The following PDCL2 variants were observed in gnomAD, a reference collection of about 807,000 sequenced individuals.
PDCL2 encodes the protein phosducin like 2.
Under a neutral mutation model 30.3 loss-of-function variants are expected in PDCL2, and 23 were observed. The observed-to-expected ratio is 0.76, with a 90% CI of 0.55 to 1.08. The LOEUF is 1.08. PDCL2 is among the 50% of genes least tolerant of loss of function. The probability of loss-of-function intolerance (pLI) is 0.00; values close to 1 mark genes in which losing one functional copy is unlikely to be tolerated. For synonymous variants in PDCL2, 68 were observed against 86.2 expected (o/e 0.79, Z 1.17); for missense variants, 243 against 282.3 (o/e 0.86, Z 1.00).
chr4:55,588,163 G>A (rs1577920805), intron 1 of PDCL2, among the ~76,000 whole-genome samples: 1 of 152,140 alleles, frequency 6.6e-6, no homozygotes, highest in African/African-American at 2.4e-5. Context: ...AGGCAAACCT[G>A]CCTCCCATTT....
In PDCL2 at chr4:55,576,155, G is replaced by A. The variant is rs374286737; in HGVS notation, c.218+4666C>T. Reference sequence around the variant, plus strand: ...TGCCTAGGCTGGAGTGCCGTGGCGCGATCTTAGCTTACTGCAACCTCTGCC... The same window carrying A: ...TGCCTAGGCTGGAGTGCCGTGGCGCAATCTTAGCTTACTGCAACCTCTGCC... On this transcript the variant is annotated intron_variant, in intron 3 of 5. Transcript: ENST00000295645. Among the ~76,000 whole-genome samples, 86 of 152,034 alleles carry A rather than the reference G, an allele frequency of 5.7e-4. 1 individual carries two copies. In the South Asian group the frequency reaches 0.017, roughly 30 times the overall value.
At chr4:55,569,676 A>C (rs909990644) in intron 4 of PDCL2, 42 bp downstream of exon 4, 1 of 1,418,882 alleles carries the variant, frequency 7.0e-7, no homozygotes, top group Non-Finnish European at 9.3e-7. Context: ...ATGTCTTTTA[A>C]AATAGTAGTA....
At chr4:55,567,296 G>A (rs1732292362) in intron 4 of PDCL2, among the ~76,000 whole-genome samples, 1 of 152,182 alleles carries the variant, frequency 6.6e-6, no homozygotes, top group Non-Finnish European at 1.5e-5. Flanking sequence ...ACTCTGGGAG[G>A]CTGAGGCAGG....
At chr4:55,582,382 A>C in intron 1 of PDCL2, 145 bp from the exon 2 acceptor site, 1 of 922,108 alleles carries the variant, frequency 1.1e-6, no homozygotes, top group Non-Finnish European at 1.5e-6. Context: ...AAGCAAAGTG[A>C]CCTACTTTTT....
chr4:55,575,549 A>G (rs1560502749), intron 3 of PDCL2, among the ~76,000 whole-genome samples: 2 of 152,234 alleles, frequency 1.3e-5, no homozygotes, highest in South Asian at 4.1e-4. Flanking sequence ...ACATTAATCT[A>G]TAAACTCAAG....
chr4:55,570,119 C>A (rs1732382791), intron 3 of PDCL2, among the ~76,000 whole-genome samples: 1 of 152,106 alleles, frequency 6.6e-6, no homozygotes, highest in African/African-American at 2.4e-5. Flanking sequence ...AGGTTTAAAT[C>A]ATAGCTATAG....
intron 3 of PDCL2, among the ~76,000 whole-genome samples, chr4:55,578,097 T>C (rs1037600221): frequency 6.6e-6 from 1 of 152,152 alleles, no homozygotes; most frequent in African/African-American, 2.4e-5. Context: ...CCGGAGTAAA[T>C]GCACTGGCTT....
chr4:55,571,545 G>A (rs1732422664), intron 3 of PDCL2, among the ~76,000 whole-genome samples: 1 of 106,320 alleles, frequency 9.4e-6, no homozygotes, highest in African/African-American at 4.1e-5. Context: ...AAATTAGCCG[G>A]GCATGGTGGC....
At chr4:55,559,453 C>A (rs1037239291) in intron 5 of PDCL2, among the ~76,000 whole-genome samples, 1 of 152,084 alleles carries the variant, frequency 6.6e-6, no homozygotes, top group Non-Finnish European at 1.5e-5. Flanking sequence ...ATTCTGAATA[C>A]TATGGTTGAG....
intron 4 of PDCL2, among the ~76,000 whole-genome samples, chr4:55,568,837 A>C (rs1732336203): frequency 6.6e-6 from 1 of 152,188 alleles, no homozygotes; most frequent in Non-Finnish European, 1.5e-5. Context: ...AGAGGAATCT[A>C]TATAACAAAC....
chr4:55,585,789 T>A (rs1254600964), intron 1 of PDCL2, among the ~76,000 whole-genome samples: 1 of 152,214 alleles, frequency 6.6e-6, no homozygotes, highest in Non-Finnish European at 1.5e-5. Context: ...TATGTGTCTA[T>A]GGATTTATCC....
chr4:55,573,238 A>G (rs1478967512), intron 3 of PDCL2, among the ~76,000 whole-genome samples: 1 of 152,220 alleles, frequency 6.6e-6, no homozygotes, highest in Admixed American at 6.5e-5. Flanking sequence ...CCAATTTAGT[A>G]TTATATGCCA....
intron 4 of PDCL2, among the ~76,000 whole-genome samples, chr4:55,564,792 C>T (rs74662978): frequency 0.022 from 3,386 of 152,198 alleles, 112 homozygotes; most frequent in African/African-American, 0.077. Flanking sequence ...AAACACCACC[C>T]TTTTATAAAA....
intron 1 of PDCL2, among the ~76,000 whole-genome samples, chr4:55,587,216 T>TAAAAAAAAAAAAAAAAA (rs869107656): frequency 4.8e-5 from 3 of 62,820 alleles, no homozygotes; most frequent in Admixed American, 2.2e-4. Flanking sequence ...GACAGAATAG[T>TAAAAAAAAAAAAAAAAA]AAAAAAAAAA....
chr4:55,569,015 T>C (rs1274292380), intron 4 of PDCL2, among the ~76,000 whole-genome samples: 1 of 152,132 alleles, frequency 6.6e-6, no homozygotes, highest in Non-Finnish European at 1.5e-5. Flanking sequence ...CTCTACAAAT[T>C]TGCTGTTCTT....
At chr4:55,563,201 C>T (rs1191938927) in intron 4 of PDCL2, among the ~76,000 whole-genome samples, 1 of 152,176 alleles carries the variant, frequency 6.6e-6, no homozygotes, top group African/African-American at 2.4e-5. Context: ...TAATTCTCAT[C>T]ACACTCCTTG....
intron 1 of PDCL2, among the ~76,000 whole-genome samples, chr4:55,583,889 G>C (rs978369826): frequency 1.3e-5 from 2 of 152,142 alleles, no homozygotes; most frequent in African/African-American, 4.8e-5. Flanking sequence ...GCTATTCAGA[G>C]TTTTTTGTAG....
At chr4:55,578,348 T>C (rs1464794349) in intron 3 of PDCL2, among the ~76,000 whole-genome samples, 1 of 152,130 alleles carries the variant, frequency 6.6e-6, no homozygotes, top group Non-Finnish European at 1.5e-5. Flanking sequence ...ATACAGGTTG[T>C]CAGCTGCCTG....
At chr4:55,584,872 A>G (rs1732819524) in intron 1 of PDCL2, among the ~76,000 whole-genome samples, 1 of 152,154 alleles carries the variant, frequency 6.6e-6, no homozygotes, top group Admixed American at 6.5e-5. Context: ...ATATGCCTTT[A>G]TTGTGCTGAG....
Sources: allele counts gnomAD v4.1 joint callset (sites outside exome capture counted in the v4.1 genomes callset), GRCh38; gene constraint gnomAD v4.1.1; transcripts MANE v1.5; gene names NCBI Gene and HGNC (gene_info 2026-07-23, HGNC 2026-07-21).